SNAP25: variants seen among roughly 807,000 people sequenced by gnomAD.
The protein encoded by SNAP25 is synaptosomal-associated protein 25.
SNAP25 carries 3 observed loss-of-function variants against 28.7 expected under a neutral mutation model. The observed-to-expected ratio is 0.10, with a 90% CI of 0.05 to 0.27. SNAP25 has a LOEUF of 0.27. Ranked by LOEUF, SNAP25 falls within the 10% of genes least tolerant of loss-of-function variation. SNAP25 has a pLI of 1.00. For synonymous variants in SNAP25, 61 were observed against 88.1 expected (o/e 0.69, Z 1.72); for missense variants, 117 against 278.7 (o/e 0.42, Z 4.13).
intron 5 of SNAP25, chr20:10,296,479 A>G: frequency 6.3e-6 from 1 of 159,658 alleles, no homozygotes; most frequent in East Asian, 1.9e-4. Flanking sequence ...TTGGTTGAGG[A>G]TGTTTTCTTG....
intron 3 of SNAP25, among the ~76,000 whole-genome samples, chr20:10,278,505 A>G (rs183212386): frequency 1.3e-5 from 2 of 152,306 alleles, no homozygotes; most frequent in African/African-American, 2.4e-5. Context: ...ATGAAGTGGA[A>G]AAAGAATGGG....
chr20:10,264,917 G>C (rs1297953606), intron 1 of SNAP25, among the ~76,000 whole-genome samples: 6 of 136,076 alleles, frequency 4.4e-5, no homozygotes, highest in African/African-American at 6.3e-5. Context: ...CTCAGACCAT[G>C]CTTTTTTTTT....
chr20:10,259,590 G>A (rs6077706), intron 1 of SNAP25, among the ~76,000 whole-genome samples: 54,992 of 151,554 alleles, frequency 0.36, 10,745 homozygotes, highest in Middle Eastern at 0.53. Flanking sequence ...CCAGGCTGGC[G>A]TGCTATAATG....
At chr20:10,251,919 G>A (rs2063236378) in intron 1 of SNAP25, among the ~76,000 whole-genome samples, 1 of 152,184 alleles carries the variant, frequency 6.6e-6, no homozygotes, top group African/African-American at 2.4e-5. Context: ...AGAGAGACTT[G>A]AGGCACAAAT....
At chr20:10,242,727 C>A (rs936356531) in intron 1 of SNAP25, among the ~76,000 whole-genome samples, 3 of 152,144 alleles carry the variant, frequency 2.0e-5, no homozygotes, top group African/African-American at 7.2e-5. Flanking sequence ...ATAGTCAGCT[C>A]CCAGTATGCA....
At chr20:10,253,242 G>T (rs1035431480) in intron 1 of SNAP25, among the ~76,000 whole-genome samples, 2 of 152,172 alleles carry the variant, frequency 1.3e-5, no homozygotes, top group African/African-American at 4.8e-5. Flanking sequence ...GCTAAAGCAG[G>T]TCCTAATTTT....
chr20:10,302,876 C>T (rs911817178), intron 7 of SNAP25, among the ~76,000 whole-genome samples: 3 of 151,168 alleles, frequency 2.0e-5, no homozygotes, highest in Non-Finnish European at 4.4e-5. Context: ...TTTTCATATG[C>T]TTCAGAAGTA....
intron 1 of SNAP25, among the ~76,000 whole-genome samples, chr20:10,223,591 C>A (rs978686401): frequency 6.6e-6 from 1 of 151,770 alleles, no homozygotes; most frequent in East Asian, 1.9e-4. Context: ...CCAGGGGCTA[C>A]ACAAGCATCA....
intron 1 of SNAP25, among the ~76,000 whole-genome samples, chr20:10,264,328 A>C (rs1208363118): frequency 2.0e-5 from 3 of 152,176 alleles, no homozygotes; most frequent in Non-Finnish European, 4.4e-5. Flanking sequence ...ACAGATATAG[A>C]ATCCCATTTA....
Position 10,284,532 on chromosome 20 carries a change from A to T in SNAP25, c.115-192A>T, listed in dbSNP as rs2076239. On this transcript the variant is annotated intron_variant, in intron 3 of 7. Transcript: ENST00000254976. ...ATTCTGCCTAAAGCATCACTGGTAG[A>T]TCAAGTCCACAGCTGGCCCATTCTT... Among the ~76,000 whole-genome samples, 16,588 of 152,108 alleles carry T rather than the reference A, an allele frequency of 0.11. 1,148 individuals are homozygous for T. The highest frequency in any genetic ancestry group is 0.18 in the East Asian group (928 of 5,176).
intron 1 of SNAP25, among the ~76,000 whole-genome samples, chr20:10,249,442 C>T (rs1000736880): frequency 1.3e-5 from 2 of 152,094 alleles, no homozygotes; most frequent in Admixed American, 6.5e-5. Flanking sequence ...AAGCTATTGA[C>T]GGGAACCTGT....
intron 1 of SNAP25, among the ~76,000 whole-genome samples, chr20:10,266,634 G>A (rs2063511172): frequency 6.6e-6 from 1 of 152,172 alleles, no homozygotes; most frequent in South Asian, 2.1e-4. Context: ...TCAAGGTTGT[G>A]CAATATGAAT....
At chr20:10,280,844 C>T (rs1401667873) in intron 3 of SNAP25, among the ~76,000 whole-genome samples, 1 of 152,066 alleles carries the variant, frequency 6.6e-6, no homozygotes, top group Non-Finnish European at 1.5e-5. Flanking sequence ...ACACTTTGGC[C>T]ATGCAAAGAG....
At chr20:10,228,931 G>A (rs2062778970) in intron 1 of SNAP25, among the ~76,000 whole-genome samples, 2 of 152,102 alleles carry the variant, frequency 1.3e-5, no homozygotes, top group Admixed American at 6.5e-5. Context: ...ATAATAAAAT[G>A]GGGAAATATG....
intron 1 of SNAP25, among the ~76,000 whole-genome samples, chr20:10,253,883 G>A (rs76607862): frequency 0.023 from 3,497 of 152,264 alleles, 73 homozygotes; most frequent in Non-Finnish European, 0.036. Flanking sequence ...GGCTGACCAG[G>A]CAGTTCTCAG....
Position 10,306,325 on chromosome 20 carries a change from C to A in SNAP25, c.*128C>A. ...AGTCCACCCCCATTGTGAATGTTGT[C>A]CTGTGTCATCTGTCAGCTTCCCAAC... On this transcript the variant is annotated 3_prime_UTR_variant, in exon 8 of 8. Coordinates refer to ENST00000254976, the MANE Select transcript of SNAP25 (RefSeq NM_130811.4). 1 of 750,248 alleles carries A rather than the reference C, an allele frequency of 1.3e-6. No individual in the cohort carries two copies. The highest frequency in any genetic ancestry group is 1.8e-5 in the South Asian group (1 of 54,706). The allele number at this position is 750,248 out of a possible 1,614,324, so 46.5% of individuals were successfully genotyped here.
At chr20:10,262,319 T>C (rs2063427176) in intron 1 of SNAP25, among the ~76,000 whole-genome samples, 1 of 152,152 alleles carries the variant, frequency 6.6e-6, no homozygotes, top group African/African-American at 2.4e-5. Context: ...GAGCCCTAGA[T>C]TGGGACTTAA....
At chr20:10,278,516 T>C (rs1010136043) in intron 3 of SNAP25, among the ~76,000 whole-genome samples, 1 of 152,172 alleles carries the variant, frequency 6.6e-6, no homozygotes, top group Admixed American at 6.5e-5. Flanking sequence ...AAAGAATGGG[T>C]TGGACTATAC....
At chr20:10,272,850 AT>A (rs749701563) in intron 1 of SNAP25, among the ~76,000 whole-genome samples, 3 of 152,176 alleles carry the variant, frequency 2.0e-5, no homozygotes, top group Non-Finnish European at 4.4e-5. Context: ...CAGATTCCAT[AT>A]TTGTTGCTTT....
Sources: gnomAD v4.1 joint callset for allele counts (sites outside exome capture counted in the v4.1 genomes callset) on GRCh38, gnomAD v4.1.1 for gene constraint, MANE v1.5 for transcripts, NCBI Gene and HGNC (gene_info 2026-07-23, HGNC 2026-07-21) for gene names.